DLGAP2: variants seen among roughly 807,000 people sequenced by gnomAD.
The protein encoded by DLGAP2 is DLG associated protein 2.
Under a neutral mutation model 100.3 loss-of-function variants are expected in DLGAP2, and 26 were observed. That is an observed-to-expected ratio of 0.26 (90% confidence interval 0.19 to 0.36). The LOEUF (loss-of-function observed/expected upper bound fraction) is 0.36. DLGAP2 is among the 10% of genes least tolerant of loss of function. The pLI, the probability that DLGAP2 is intolerant of heterozygous loss-of-function variation, is 1.00. For synonymous variants in DLGAP2, 886 were observed against 630.1 expected (o/e 1.41, Z -6.08); for missense variants, 1,858 against 1,453.2 (o/e 1.28, Z -4.53).
In DLGAP2 at chr8:1,222,492, C is replaced by T. The variant is rs148271912; in HGVS notation, c.74-36359C>T. 3.2e-3 allele frequency among the ~76,000 whole-genome samples: 485 copies of T among 152,270 alleles called. 4 individuals are homozygous for T. The highest frequency in any genetic ancestry group is 0.011 in the African/African-American group (456 of 41,532). On this transcript the variant is annotated intron_variant, in intron 2 of 14. Transcript: ENST00000637795. ...GGTGTTCTCAGTCCACTGGTAACGACACTCCAGTGGGGGCTGCTAGCCAAA... is the reference window on the plus strand; with the variant it reads ...GGTGTTCTCAGTCCACTGGTAACGATACTCCAGTGGGGGCTGCTAGCCAAA...
chr8:1,140,209 G>T (rs777846717), intron 2 of DLGAP2, among the ~76,000 whole-genome samples: 26 of 152,116 alleles, frequency 1.7e-4, no homozygotes, highest in Non-Finnish European at 3.5e-4. Context: ...TGAAACTCCG[G>T]GCCTCAGCGC....
chr8:1,491,077 CAAAA>C (rs386411871), intron 3 of DLGAP2, among the ~76,000 whole-genome samples: 2 of 64,528 alleles, frequency 3.1e-5, no homozygotes, highest in Admixed American at 2.0e-4. Context: ...AACTGGAAAC[CAAAA>C]AAAAAAAAAA....
intron 1 of DLGAP2, among the ~76,000 whole-genome samples, chr8:800,213 G>T (rs1340474407): frequency 1.3e-5 from 2 of 152,192 alleles, no homozygotes; most frequent in Non-Finnish European, 2.9e-5. Flanking sequence ...CCTGCGTGAG[G>T]ACTTTGTGCG....
chr8:1,075,084 C>G (rs972322409), intron 2 of DLGAP2, among the ~76,000 whole-genome samples: 1 of 152,226 alleles, frequency 6.6e-6, no homozygotes, highest in African/African-American at 2.4e-5. Context: ...GCCCACTGCA[C>G]ACACCTGCTG....
chr8:1,699,401 C>T (rs1446061971), intron 14 of DLGAP2, among the ~76,000 whole-genome samples: 5 of 148,806 alleles, frequency 3.4e-5, no homozygotes, highest in Admixed American at 2.0e-4. Flanking sequence ...GTCAGGAGAT[C>T]AAGATCATAC....
At chr8:1,465,771 CTA>C (rs1263935140) in intron 3 of DLGAP2, among the ~76,000 whole-genome samples, 3 of 152,178 alleles carry the variant, frequency 2.0e-5, no homozygotes, top group Admixed American at 6.5e-5. Context: ...CTAGCAAGGC[CTA>C]TGTGTTCAGA....
Position 1,696,151 on chromosome 8 carries a change from C to G in DLGAP2, c.2797-996C>G, listed in dbSNP as rs531601281. Among the ~76,000 whole-genome samples the G allele has an allele frequency of 3.9e-5, 6 of 152,318 alleles. No homozygotes were observed. The East Asian group carries it at 1.2e-3, about 29-fold the overall frequency. On this transcript the variant is annotated intron_variant, in intron 13 of 14. Transcript: ENST00000637795. Reference sequence around the variant, plus strand: ...TGACCCACCAGAACCTCCTCTGACTCTTTTAAATCCCCACTGAATCAAGGG... The same window carrying G: ...TGACCCACCAGAACCTCCTCTGACTGTTTTAAATCCCCACTGAATCAAGGG...
intron 2 of DLGAP2, among the ~76,000 whole-genome samples, chr8:1,194,014 G>A (rs959452021): frequency 1.1e-4 from 16 of 152,152 alleles, no homozygotes; most frequent in Admixed American, 1.3e-4. Context: ...ATTTCTCCTT[G>A]GCATTACCGG....
chr8:1,466,804 T>A (rs949040373), intron 3 of DLGAP2, among the ~76,000 whole-genome samples: 5 of 152,148 alleles, frequency 3.3e-5, no homozygotes, highest in African/African-American at 9.7e-5. Flanking sequence ...AATTACTGTT[T>A]TCCAGGAAGT....
At chr8:1,297,482 C>G (rs560829212) in intron 3 of DLGAP2, among the ~76,000 whole-genome samples, 6 of 133,128 alleles carry the variant, frequency 4.5e-5, no homozygotes, top group African/African-American at 1.1e-4. Context: ...AGACACTACA[C>G]GAGACAGGGA....
chr8:1,565,583 TA>T lies in DLGAP2; in HGVS notation c.1231-99del, dbSNP rs374297383. The T allele has an allele frequency of 1.5e-4, 131 of 869,236 alleles. 2 individuals are homozygous for T. In the South Asian group the frequency reaches 2.2e-3, roughly 15 times the overall value. 53.8% of individuals were successfully genotyped at this position (869,236 alleles called of 1,614,324 possible). Reference sequence around the variant, plus strand: ...ACTGATAAATGACTGTAAAGAGGTGTATCTTTATGGAATTGTAGAGGATTTG... The same window carrying T: ...ACTGATAAATGACTGTAAAGAGGTGTTCTTTATGGAATTGTAGAGGATTTG... On this transcript the variant is annotated intron_variant, in intron 5 of 14. Coordinates refer to ENST00000637795, the MANE Select transcript of DLGAP2 (RefSeq NM_001346810.2).
rs1306486532 is a variant in DLGAP2 at position 1,414,064 on chromosome 8, T to C, written c.107-87302T>C. 3.3e-5 allele frequency among the ~76,000 whole-genome samples: 5 copies of C among 152,352 alleles called. No individual in the cohort carries two copies. The East Asian group carries it at 9.7e-4, about 29-fold the overall frequency. On this transcript the variant is annotated intron_variant, in intron 3 of 14. Transcript: ENST00000637795. ...CATGCCTAGGAATTCTGCTTTTTCC[T>C]CTGCTGTTAGTGTTGGGGAAAGGCA... is the stretch of plus-strand genomic sequence containing the variant.
chr8:1,392,565 C>G (rs553862672), intron 3 of DLGAP2, among the ~76,000 whole-genome samples: 2 of 152,314 alleles, frequency 1.3e-5, no homozygotes, highest in African/African-American at 4.8e-5. Flanking sequence ...TCCGAAAAGG[C>G]CCAAAATAGA....
chr8:1,323,443 C>A (rs868012137), intron 3 of DLGAP2, among the ~76,000 whole-genome samples: 1 of 152,208 alleles, frequency 6.6e-6, no homozygotes, highest in South Asian at 2.1e-4. Flanking sequence ...AGTAAGTTTA[C>A]GTGACAACCA....
intron 2 of DLGAP2, among the ~76,000 whole-genome samples, chr8:1,029,828 G>A (rs934851356): frequency 6.6e-6 from 1 of 152,160 alleles, no homozygotes; most frequent in Non-Finnish European, 1.5e-5. Context: ...GGGGTCAAAG[G>A]AGAGATGGGT....
At chr8:1,347,946 C>A (rs1383600684) in intron 3 of DLGAP2, among the ~76,000 whole-genome samples, 1 of 150,110 alleles carries the variant, frequency 6.7e-6, no homozygotes, top group African/African-American at 2.5e-5. Context: ...AGATTGAGTT[C>A]CCATACAGAG....
intron 4 of DLGAP2, among the ~76,000 whole-genome samples, chr8:1,530,788 C>G (rs767062808): frequency 1.9e-4 from 29 of 152,226 alleles, no homozygotes; most frequent in Non-Finnish European, 1.8e-4. Context: ...CTGCAACAGA[C>G]ACTCAAATTG....
intron 2 of DLGAP2, among the ~76,000 whole-genome samples, chr8:1,073,906 C>T (rs1311853988): frequency 6.6e-6 from 1 of 152,122 alleles, no homozygotes; most frequent in African/African-American, 2.4e-5. Context: ...ACTCACCCGG[C>T]TGCGTATTCA....
chr8:1,449,305 G>A (rs1055787989), intron 3 of DLGAP2, among the ~76,000 whole-genome samples: 3 of 152,304 alleles, frequency 2.0e-5, no homozygotes, highest in East Asian at 1.9e-4. Flanking sequence ...GGGCCATGAT[G>A]GACTAAAGAG....
Sources: allele counts gnomAD v4.1 joint callset (sites outside exome capture counted in the v4.1 genomes callset), GRCh38; gene constraint gnomAD v4.1.1; transcripts MANE v1.5; gene names NCBI Gene and HGNC (gene_info 2026-07-23, HGNC 2026-07-21).